Variants in CSMD1 observed in about 807,000 individuals in gnomAD.
The protein encoded by CSMD1 is CUB and Sushi multiple domains 1.
A neutral mutation model predicts 417.5 loss-of-function variants in CSMD1; 213 were observed. The ratio of observed to expected loss-of-function variants is 0.51; its 90% CI spans 0.46 to 0.57. The LOEUF (loss-of-function observed/expected upper bound fraction) is 0.57, where lower values mean the gene tolerates loss of function less well. Among genes scored for constraint, CSMD1 ranks in the 20% least tolerant of loss-of-function variants. The pLI, the probability that CSMD1 is intolerant of heterozygous loss-of-function variation, is 0.00. For synonymous variants in CSMD1, 2,862 were observed against 1,736.8 expected (o/e 1.65, Z -16.11); for missense variants, 6,923 against 4,529.7 (o/e 1.53, Z -15.17).
chr8:3,148,424 T>A (rs2129034427), intron 40 of CSMD1, among the ~76,000 whole-genome samples: 1 of 152,274 alleles, frequency 6.6e-6, no homozygotes, highest in East Asian at 1.9e-4. Context: ...GTGCTGTGGG[T>A]ATAAATTAGG....
At position 3,362,303 on chromosome 8, in the gene CSMD1, C is replaced by T. The variant is rs115577833; in HGVS notation, c.3116-2963G>A. Among the ~76,000 whole-genome samples, 713 of 152,314 alleles carry T rather than the reference C, an allele frequency of 4.7e-3. 11 individuals are homozygous for T. Among genetic ancestry groups the T allele is most frequent in the African/African-American group, 0.016 (683 of 41,566 alleles). On this transcript the variant is annotated intron_variant, in intron 20 of 69. Coordinates refer to ENST00000635120, the MANE Select transcript of CSMD1 (RefSeq NM_033225.6). ...CCATCCTCCCTTCCAAGACTGTCTT[C>T]CTCTCATCTATTCAGGCTTTCCTTC...
chr8:3,355,487 C>T (rs779553762), intron 21 of CSMD1, among the ~76,000 whole-genome samples: 1 of 152,122 alleles, frequency 6.6e-6, no homozygotes. Context: ...ATCACGACTG[C>T]CCTGGCCACA....
intron 1 of CSMD1, among the ~76,000 whole-genome samples, chr8:4,950,403 C>A (rs1808660718): frequency 6.6e-6 from 1 of 151,966 alleles, no homozygotes; most frequent in Non-Finnish European, 1.5e-5. Flanking sequence ...TACCCACAAA[C>A]AAGCGTTTTT....
At chr8:4,224,160 A>G (rs1264972162) in intron 3 of CSMD1, among the ~76,000 whole-genome samples, 2 of 152,196 alleles carry the variant, frequency 1.3e-5, no homozygotes, top group East Asian at 1.9e-4. Flanking sequence ...CTTACTACAC[A>G]TAATCACAAA....
At chr8:3,386,751 G>C (rs907307686) in intron 18 of CSMD1, among the ~76,000 whole-genome samples, 1 of 152,126 alleles carries the variant, frequency 6.6e-6, no homozygotes, top group East Asian at 1.9e-4. Flanking sequence ...TTTTTCTGCA[G>C]AAACAATGTT....
chr8:4,097,049 C>G (rs1483176360), intron 3 of CSMD1, among the ~76,000 whole-genome samples: 3 of 152,096 alleles, frequency 2.0e-5, no homozygotes, highest in East Asian at 1.9e-4. Flanking sequence ...TAACTGATGC[C>G]TCATTCATAA....
intron 3 of CSMD1, among the ~76,000 whole-genome samples, chr8:4,351,659 C>A (rs1801099985): frequency 6.6e-6 from 1 of 152,140 alleles, no homozygotes; most frequent in African/African-American, 2.4e-5. Context: ...AAAGGCTTCC[C>A]AGGCAAGATG....
At chr8:4,944,377 T>A (rs775345887) in intron 1 of CSMD1, among the ~76,000 whole-genome samples, 1 of 152,156 alleles carries the variant, frequency 6.6e-6, no homozygotes, top group Non-Finnish European at 1.5e-5. Context: ...CCAGCAAAAA[T>A]GCTCAACACA....
chr8:4,062,088 C>G (rs1585231121), intron 3 of CSMD1, among the ~76,000 whole-genome samples: 1 of 152,002 alleles, frequency 6.6e-6, no homozygotes, highest in Admixed American at 6.6e-5. Context: ...AGGAGAATGG[C>G]AAAGCATCAC....
At chr8:4,641,284 C>T (rs79261092) in intron 1 of CSMD1, among the ~76,000 whole-genome samples, 4,434 of 151,868 alleles carry the variant, frequency 0.029, 212 homozygotes, top group African/African-American at 0.1. Flanking sequence ...CATCTGTTAC[C>T]GAAATAATAA....
At position 4,708,019 on chromosome 8, in the gene CSMD1, C is replaced by G. The variant is rs561068845; in HGVS notation, c.86-70461G>C. On this transcript the variant is annotated intron_variant, in intron 1 of 69. Transcript: ENST00000635120. Reference sequence around the variant, plus strand: ...AGTGCAGTGACATGAACATAGCTCACTGCAGCCTCAAACTCCTTGGCTCAA... The same window carrying G: ...AGTGCAGTGACATGAACATAGCTCAGTGCAGCCTCAAACTCCTTGGCTCAA... Among the ~76,000 whole-genome samples, 146 of 152,000 alleles carry G rather than the reference C, an allele frequency of 9.6e-4. 1 individual carries two copies. Among genetic ancestry groups the G allele is most frequent in the Non-Finnish European group, 1.8e-4 (12 of 67,964 alleles).
chr8:3,248,616 A>G (rs79700967), intron 26 of CSMD1, among the ~76,000 whole-genome samples: 12,981 of 134,434 alleles, frequency 0.097, 749 homozygotes, highest in Middle Eastern at 0.14. Context: ...TGCAAGTTCC[A>G]CCTCCTGGGT....
At chr8:3,219,611 C>G (rs1365771238) in intron 28 of CSMD1, among the ~76,000 whole-genome samples, 169 bp from the exon 29 acceptor site, 2 of 151,986 alleles carry the variant, frequency 1.3e-5, no homozygotes, top group African/African-American at 4.8e-5. Flanking sequence ...AATAAAATAG[C>G]AATAGTATAA....
At chr8:4,208,652 G>A (rs1465378753) in intron 3 of CSMD1, among the ~76,000 whole-genome samples, 1 of 152,158 alleles carries the variant, frequency 6.6e-6, no homozygotes, top group African/African-American at 2.4e-5. Context: ...GCAGTAGAAT[G>A]ACATAAAACC....
At chr8:4,912,797 G>A (rs1417388615) in intron 1 of CSMD1, among the ~76,000 whole-genome samples, 2 of 119,372 alleles carry the variant, frequency 1.7e-5, no homozygotes, top group African/African-American at 6.7e-5. Context: ...ATTTTTTTTG[G>A]AGGGGGGGCA....
intron 2 of CSMD1, among the ~76,000 whole-genome samples, chr8:4,583,061 C>G (rs1222848879): frequency 2.6e-5 from 4 of 152,210 alleles, no homozygotes; most frequent in African/African-American, 7.2e-5. Context: ...TAGCTGCCTT[C>G]CCGCGGGGCA....
At chr8:3,567,912 A>G (rs1799783063) in intron 10 of CSMD1, among the ~76,000 whole-genome samples, 1 of 151,948 alleles carries the variant, frequency 6.6e-6, no homozygotes, top group Admixed American at 6.6e-5. Context: ...ACATCATCAC[A>G]CACATGTGTT....
chr8:3,532,577 G>T (rs751414013), intron 10 of CSMD1, among the ~76,000 whole-genome samples: 2 of 152,134 alleles, frequency 1.3e-5, no homozygotes, highest in Non-Finnish European at 2.9e-5. Context: ...AGGATTTGAT[G>T]AGTGATTGCA....
chr8:4,709,991 G>A (rs1010632678), intron 1 of CSMD1, among the ~76,000 whole-genome samples: 2 of 152,120 alleles, frequency 1.3e-5, no homozygotes, highest in Admixed American at 1.3e-4. Context: ...GATAAAAACT[G>A]GGTAATTAAA....
Sources: allele counts gnomAD v4.1 joint callset (sites outside exome capture counted in the v4.1 genomes callset), GRCh38; gene constraint gnomAD v4.1.1; transcripts MANE v1.5; gene names NCBI Gene and HGNC (gene_info 2026-07-23, HGNC 2026-07-21).